SORCS1: variants seen among roughly 807,000 people sequenced by gnomAD.
SORCS1 encodes sortilin related VPS10 domain containing receptor 1.
In SORCS1, 60 loss-of-function variants were observed where a neutral mutation model predicts 146.1. That is an observed-to-expected ratio of 0.41 (90% confidence interval 0.33 to 0.51). SORCS1 has a LOEUF of 0.51. Among genes scored for constraint, SORCS1 ranks in the 20% least tolerant of loss-of-function variants. The pLI is 0.21. For missense variants in SORCS1, 1,352 were observed against 1,487.6 expected (o/e 0.91, Z 1.50); for synonymous variants, 637 against 584.0 (o/e 1.09, Z -1.31).
At chr10:107,163,653 A>G (rs911390083) in intron 1 of SORCS1, among the ~76,000 whole-genome samples, 7 of 152,162 alleles carry the variant, frequency 4.6e-5, no homozygotes, top group African/African-American at 7.2e-5. Flanking sequence ...CTGTATTAGG[A>G]GAACTTTAAC....
chr10:107,131,746 G>C (rs902058983), intron 1 of SORCS1, among the ~76,000 whole-genome samples: 4 of 152,144 alleles, frequency 2.6e-5, no homozygotes, highest in African/African-American at 9.7e-5. Flanking sequence ...TTTTATACTT[G>C]AGAATAATGC....
At chr10:106,731,292 CAAA>C (rs57238882) in intron 5 of SORCS1, among the ~76,000 whole-genome samples, 2 of 23,756 alleles carry the variant, frequency 8.4e-5, no homozygotes, top group African/African-American at 2.9e-4. Context: ...GACTCCGTCT[CAAA>C]AAAAAAAAAA....
chr10:107,019,757 C>T (rs940657682), intron 1 of SORCS1, among the ~76,000 whole-genome samples: 6 of 152,248 alleles, frequency 3.9e-5, no homozygotes, highest in East Asian at 1.9e-4. Context: ...ATCTGTCAGA[C>T]GTGCACTTCG....
At position 106,974,014 on chromosome 10, in the gene SORCS1, G is replaced by C. The variant is rs374926442; in HGVS notation, c.559-17434C>G. On this transcript the variant is annotated intron_variant, in intron 1 of 25. Transcript: ENST00000263054. Reference sequence around the variant, plus strand: ...TCTGGAGTAGGATAGGGTGGAGTGAGAGTCAGTCATGAGGCTTTTTCTTCC... The same window carrying C: ...TCTGGAGTAGGATAGGGTGGAGTGACAGTCAGTCATGAGGCTTTTTCTTCC... Among the ~76,000 whole-genome samples, 274 of 152,036 alleles carry C rather than the reference G, an allele frequency of 1.8e-3. 1 individual carries two copies. Among genetic ancestry groups the C allele is most frequent in the African/African-American group, 6.1e-3 (253 of 41,416 alleles).
Position 106,880,108 on chromosome 10 carries a change from G to A in SORCS1, c.627-50435C>T, listed in dbSNP as rs553821729. 5.9e-5 allele frequency among the ~76,000 whole-genome samples: 9 copies of A among 152,320 alleles called. No individual in the cohort carries two copies. The South Asian group carries it at 6.2e-4, about 11-fold the overall frequency. On this transcript the variant is annotated intron_variant, in intron 2 of 25. Transcript: ENST00000263054. ...GGTTGGTGGCTAAGGTGCCTGGAAC[G>A]CAAAGTGTTCACAGTATCATTATTT...
At chr10:106,600,761 A>G in intron 23 of SORCS1, 1 of 974,884 alleles carries the variant, frequency 1.0e-6, no homozygotes, top group Non-Finnish European at 1.2e-6. Flanking sequence ...TAATATTTGA[A>G]GAGTTGAGAC....
At chr10:106,672,493 C>T (rs1198452715) in intron 15 of SORCS1, among the ~76,000 whole-genome samples, 2 of 152,170 alleles carry the variant, frequency 1.3e-5, no homozygotes, top group African/African-American at 2.4e-5. Context: ...TATTTTATGT[C>T]TCTGCTTGCA....
chr10:107,012,001 T>C (rs1423839838), intron 1 of SORCS1, among the ~76,000 whole-genome samples: 1 of 152,208 alleles, frequency 6.6e-6, no homozygotes, highest in East Asian at 1.9e-4. Flanking sequence ...TGTTTTATCA[T>C]TTTTTTAGTA....
At chr10:106,975,254 G>A (rs1256554992) in intron 1 of SORCS1, among the ~76,000 whole-genome samples, 3 of 152,132 alleles carry the variant, frequency 2.0e-5, no homozygotes, top group Non-Finnish European at 4.4e-5. Context: ...TTTCTTTTAG[G>A]TAGTTTCAAC....
chr10:107,018,637 C>G (rs1957999402), intron 1 of SORCS1, among the ~76,000 whole-genome samples: 1 of 151,236 alleles, frequency 6.6e-6, no homozygotes, highest in Admixed American at 6.6e-5. Flanking sequence ...GTTATAAGTG[C>G]CTCAGCCATG....
chr10:106,789,985 C>A (rs1400432170), intron 3 of SORCS1, among the ~76,000 whole-genome samples: 1 of 152,162 alleles, frequency 6.6e-6, no homozygotes, highest in African/African-American at 2.4e-5. Flanking sequence ...AACACAAAAC[C>A]ATCAGATCTC....
Position 107,036,856 on chromosome 10 carries a change from A to C in SORCS1, c.559-80276T>G, listed in dbSNP as rs530286226. Among the ~76,000 whole-genome samples, 11 of 152,354 alleles carry C rather than the reference A, an allele frequency of 7.2e-5. 1 individual carries two copies. The highest frequency in any genetic ancestry group is 2.6e-4 in the African/African-American group (11 of 41,580). ...GAAAATGCCAAATTCTAAAACATTT[A>C]ATTGGATGCTATAATCATCCTCCTT... On this transcript the variant is annotated intron_variant, in intron 1 of 25. Coordinates refer to ENST00000263054, the MANE Select transcript of SORCS1 (RefSeq NM_052918.5).
intron 6 of SORCS1, among the ~76,000 whole-genome samples, chr10:106,717,867 T>G (rs1429297895): frequency 6.6e-6 from 1 of 152,220 alleles, no homozygotes; most frequent in Non-Finnish European, 1.5e-5. Flanking sequence ...TCCTCATACC[T>G]CTGCACAGAT....
intron 2 of SORCS1, among the ~76,000 whole-genome samples, chr10:106,919,835 C>A (rs1322614861): frequency 6.6e-6 from 1 of 152,160 alleles, no homozygotes; most frequent in African/African-American, 2.4e-5. Context: ...CCCATTGTTT[C>A]AATATGAATA....
chr10:107,057,472 A>C (rs979149182), intron 1 of SORCS1, among the ~76,000 whole-genome samples: 2 of 152,006 alleles, frequency 1.3e-5, no homozygotes, highest in African/African-American at 4.8e-5. Flanking sequence ...GCTTTTCCCA[A>C]TTTCTACCTC....
intron 3 of SORCS1, among the ~76,000 whole-genome samples, chr10:106,819,447 ACAAAGTGTATCTCCG>A (rs1947905232): frequency 6.6e-6 from 1 of 152,206 alleles, no homozygotes; most frequent in African/African-American, 2.4e-5. Context: ...CCTTCAAATA[ACAAAGTGTATCTCCG>A]CAGTGACAGG....
chr10:106,929,767 G>A (rs918503406), intron 2 of SORCS1, among the ~76,000 whole-genome samples: 7 of 125,808 alleles, frequency 5.6e-5, no homozygotes, highest in East Asian at 2.3e-4. Flanking sequence ...ACAGGCATGT[G>A]CACGTGCACA....
intron 18 of SORCS1, among the ~76,000 whole-genome samples, chr10:106,645,714 TTA>T (rs1307125271): frequency 1.3e-4 from 20 of 150,530 alleles, no homozygotes; most frequent in Admixed American, 1.3e-4. Flanking sequence ...CTCATTAAAA[TTA>T]TGTTTATTTT....
intron 17 of SORCS1, among the ~76,000 whole-genome samples, chr10:106,666,637 A>G (rs553925688): frequency 1.3e-5 from 2 of 150,410 alleles, no homozygotes; most frequent in Non-Finnish European, 3.0e-5. Context: ...GCTCACTGCA[A>G]CCTCTGCCTC....
Sources: gnomAD v4.1 joint callset for allele counts (sites outside exome capture counted in the v4.1 genomes callset) on GRCh38, gnomAD v4.1.1 for gene constraint, MANE v1.5 for transcripts, NCBI Gene and HGNC (gene_info 2026-07-23, HGNC 2026-07-21) for gene names.